The following UQCC1 variants were observed in gnomAD, a reference collection of about 807,000 sequenced individuals.
UQCC1 encodes the protein ubiquinol-cytochrome c reductase complex assembly factor 1, also known as bFGF-repressed Zic-binding protein.
Under a neutral mutation model 48.0 loss-of-function variants are expected in UQCC1, and 38 were observed. That is an observed-to-expected ratio of 0.79 (90% CI 0.61 to 1.04). The LOEUF (loss-of-function observed/expected upper bound fraction) is 1.04. Among genes scored for constraint, UQCC1 ranks in the 50% least tolerant of loss-of-function variants. The pLI, the probability that UQCC1 is intolerant of heterozygous loss-of-function variation, is 0.00. For synonymous variants in UQCC1, 111 were observed against 129.2 expected (o/e 0.86, Z 0.95); for missense variants, 368 against 381.8 (o/e 0.96, Z 0.30).
intron 6 of UQCC1, among the ~76,000 whole-genome samples, chr20:35,358,617 T>C (rs1241349495): frequency 2.6e-5 from 4 of 152,124 alleles, no homozygotes; most frequent in Non-Finnish European, 5.9e-5. Context: ...TGGAGTGCAG[T>C]GGCATGATAT....
intron 5 of UQCC1, among the ~76,000 whole-genome samples, chr20:35,370,762 A>G (rs1212270605): frequency 1.3e-5 from 2 of 152,248 alleles, no homozygotes; most frequent in Admixed American, 6.5e-5. Context: ...AGAAAATCTC[A>G]CAGAGGTAGT....
chr20:35,385,887 A>G (rs1453321238), intron 2 of UQCC1, among the ~76,000 whole-genome samples: 1 of 150,006 alleles, frequency 6.7e-6, no homozygotes, highest in Non-Finnish European at 1.5e-5. Flanking sequence ...TCATAGCAAA[A>G]CTTCCTGGAA....
chr20:35,338,044 C>T (rs937642845), intron 7 of UQCC1, among the ~76,000 whole-genome samples: 6 of 151,806 alleles, frequency 4.0e-5, no homozygotes, highest in Non-Finnish European at 8.8e-5. Flanking sequence ...AAAAAACACA[C>T]AACCAAGGAG....
At chr20:35,393,893 G>T (rs564163160) in intron 2 of UQCC1, among the ~76,000 whole-genome samples, 199 bp downstream of exon 2, 5 of 152,232 alleles carry the variant, frequency 3.3e-5, no homozygotes, top group Middle Eastern at 3.4e-3. Context: ...CCTAGGCTAA[G>T]TTCCACTGCT....
chr20:35,311,433 G>T (rs1258763139), intron 8 of UQCC1, among the ~76,000 whole-genome samples: 1 of 152,202 alleles, frequency 6.6e-6, no homozygotes, highest in African/African-American at 2.4e-5. Flanking sequence ...CAAGATGGTA[G>T]TCACATATAG....
rs527666905 is a variant in UQCC1 at position 35,349,826 on chromosome 20, G to A, written c.465-2554C>T. On this transcript the variant is annotated intron_variant, in intron 6 of 9. Coordinates refer to ENST00000374385, the MANE Select transcript of UQCC1 (RefSeq NM_018244.5). ...AACCTGGGCAACACAGTTGGACCCCGATTCTACAAAAAATATGAAAATTAG... is the reference window on the plus strand; with the variant it reads ...AACCTGGGCAACACAGTTGGACCCCAATTCTACAAAAAATATGAAAATTAG... Among the ~76,000 whole-genome samples the A allele has an allele frequency of 1.6e-4, 24 of 152,142 alleles. No individual in the cohort carries two copies. In the South Asian group the frequency reaches 1.9e-3, roughly 12 times the overall value.
chr20:35,365,650 A>G (rs2061657566), intron 6 of UQCC1, among the ~76,000 whole-genome samples: 1 of 111,440 alleles, frequency 9.0e-6, no homozygotes, highest in South Asian at 2.9e-4. Context: ...CAGTGAGACT[A>G]TGTCTAAAAA....
At chr20:35,384,581 G>T in intron 2 of UQCC1, 1 of 445,246 alleles carries the variant, frequency 2.2e-6, no homozygotes, top group South Asian at 1.6e-5. Context: ...GATCGAGGCT[G>T]CAGGGAGCTA....
chr20:35,314,990 A>C (rs1369938935), intron 7 of UQCC1, among the ~76,000 whole-genome samples: 1 of 152,206 alleles, frequency 6.6e-6, no homozygotes, highest in East Asian at 1.9e-4. Context: ...CAGCTTAATG[A>C]ACTGAGCCCC....
chr20:35,339,770 CA>C (rs1005944592), intron 7 of UQCC1, among the ~76,000 whole-genome samples: 2 of 151,868 alleles, frequency 1.3e-5, no homozygotes, highest in Non-Finnish European at 1.5e-5. Context: ...AATGGTTCAG[CA>C]AAAGAAAAGG....
intron 1 of UQCC1, among the ~76,000 whole-genome samples, chr20:35,394,984 T>A (rs74928744): frequency 0.024 from 3,699 of 152,242 alleles, 146 homozygotes; most frequent in African/African-American, 0.086. Flanking sequence ...CTTACTTTTA[T>A]CAGTTTATTA....
chr20:35,317,310 A>G (rs1046579739), intron 7 of UQCC1, among the ~76,000 whole-genome samples: 2 of 152,244 alleles, frequency 1.3e-5, no homozygotes, highest in African/African-American at 4.8e-5. Flanking sequence ...TTAATAATGT[A>G]TGTATGCTGA....
At chr20:35,338,511 A>G (rs926803566) in intron 7 of UQCC1, among the ~76,000 whole-genome samples, 1 of 152,020 alleles carries the variant, frequency 6.6e-6, no homozygotes, top group Non-Finnish European at 1.5e-5. Context: ...TTTCCTCACC[A>G]CAGAAATGAG....
At chr20:35,361,118 A>G (rs2061600899) in intron 6 of UQCC1, among the ~76,000 whole-genome samples, 1 of 151,956 alleles carries the variant, frequency 6.6e-6, no homozygotes. Flanking sequence ...TTCAGTGGAC[A>G]TGTTGTGAAG....
rs552646127 is a variant in UQCC1, at chr20:35,381,203, C to T, written c.333+715G>A. 1.4e-3 allele frequency among the ~76,000 whole-genome samples: 214 copies of T among 152,146 alleles called. 1 individual carries two copies. The highest frequency in any genetic ancestry group is 2.2e-4 in the Non-Finnish European group (15 of 68,004). ...AGTGACATGGTTAACAAATATCCCT[C>T]CATAATAAGAATTACAATAGATCGT... On this transcript the variant is annotated intron_variant, in intron 4 of 9. Coordinates refer to ENST00000374385, the MANE Select transcript of UQCC1 (RefSeq NM_018244.5).
chr20:35,316,228 A>G (rs2061057918), intron 7 of UQCC1, among the ~76,000 whole-genome samples: 1 of 152,018 alleles, frequency 6.6e-6, no homozygotes, highest in African/African-American at 2.4e-5. Flanking sequence ...GTGCTTAACA[A>G]CTCTGACGGT....
At chr20:35,311,829 A>C (rs2146301813) in intron 8 of UQCC1, among the ~76,000 whole-genome samples, 1 of 152,350 alleles carries the variant, frequency 6.6e-6, no homozygotes, top group African/African-American at 2.4e-5. Flanking sequence ...CCAGGTAATT[A>C]GTATATTTCC....
At chr20:35,376,299 C>T (rs967957117) in intron 4 of UQCC1, among the ~76,000 whole-genome samples, 4 of 151,126 alleles carry the variant, frequency 2.6e-5, no homozygotes, top group Admixed American at 2.0e-4. Context: ...CAGAGCCAGA[C>T]TCCGCCTCAA....
chr20:35,317,780 G>A (rs566768760), intron 7 of UQCC1, among the ~76,000 whole-genome samples: 18 of 152,322 alleles, frequency 1.2e-4, no homozygotes, highest in Middle Eastern at 6.8e-3. Context: ...TGTGTACTAC[G>A]CCATGCATAG....
Sources: gnomAD v4.1 joint callset for allele counts (sites outside exome capture counted in the v4.1 genomes callset) on GRCh38, gnomAD v4.1.1 for gene constraint, MANE v1.5 for transcripts, NCBI Gene and HGNC (gene_info 2026-07-23, HGNC 2026-07-21) for gene names.